Variants in ADAM32 observed in about 807,000 individuals in gnomAD.
ADAM32 encodes ADAM metallopeptidase domain 32, also known as disintegrin and metalloproteinase domain-containing protein 32.
A neutral mutation model predicts 114.9 loss-of-function variants in ADAM32; 89 were observed. The observed-to-expected ratio is 0.77, with a 90% CI of 0.65 to 0.92. ADAM32 has a LOEUF of 0.92. Ranked by LOEUF, ADAM32 falls within the 40% of genes least tolerant of loss-of-function variation. ADAM32 has a pLI of 0.00. For synonymous variants in ADAM32, 285 were observed against 307.5 expected (o/e 0.93, Z 0.77); for missense variants, 870 against 932.8 (o/e 0.93, Z 0.88).
At chr8:39,123,650 T>C (rs4733978) in intron 2 of ADAM32, among the ~76,000 whole-genome samples, 78,039 of 151,422 alleles carry the variant, frequency 0.52, 21,236 homozygotes, top group Non-Finnish European at 0.6. Flanking sequence ...TGTATGATAC[T>C]TTCATTTATT....
At chr8:39,254,090 G>A (rs868791770) in intron 17 of ADAM32, among the ~76,000 whole-genome samples, 20 of 151,606 alleles carry the variant, frequency 1.3e-4, no homozygotes, top group African/African-American at 4.6e-4. Flanking sequence ...GCTGGCTCCA[G>A]CATGTCACTG....
chr8:39,109,658 T>C (rs1840072192), intron 1 of ADAM32, among the ~76,000 whole-genome samples: 1 of 152,210 alleles, frequency 6.6e-6, no homozygotes, highest in Admixed American at 6.5e-5. Flanking sequence ...ATCCCAAATA[T>C]GAACAGCTTC....
At chr8:39,256,721 C>T (rs12114415) in intron 18 of ADAM32, among the ~76,000 whole-genome samples, 41 of 152,058 alleles carry the variant, frequency 2.7e-4, no homozygotes, top group African/African-American at 9.9e-4. Flanking sequence ...ATTTTTATGC[C>T]AGTGCCCTTT....
intron 11 of ADAM32, among the ~76,000 whole-genome samples, chr8:39,188,780 T>C (rs541442584): frequency 1.3e-5 from 2 of 152,292 alleles, no homozygotes; most frequent in East Asian, 1.9e-4. Context: ...ATATTTAAAA[T>C]GCTTTCATAT....
At chr8:39,158,494 C>T (rs1232732226) in intron 6 of ADAM32, 2 of 290,610 alleles carry the variant, frequency 6.9e-6, no homozygotes, top group Non-Finnish European at 1.3e-5. Flanking sequence ...CTACCCCTTC[C>T]TTCTTGTTCA....
At chr8:39,146,122 G>C (rs970793892) in intron 3 of ADAM32, among the ~76,000 whole-genome samples, 2 of 152,160 alleles carry the variant, frequency 1.3e-5, no homozygotes, top group African/African-American at 4.8e-5. Context: ...AGTTTGAGTG[G>C]AGGCTTTCCA....
Position 39,118,054 on chromosome 8 carries a change from T to C in ADAM32, c.59-32T>C, listed in dbSNP as rs1412860768. The C allele has an allele frequency of 2.3e-6, 3 of 1,303,536 alleles. No homozygotes were observed. The East Asian group carries it at 8.2e-5, about 36-fold the overall frequency. The allele number at this position is 1,303,536 out of a possible 1,614,324, so 80.7% of individuals were successfully genotyped here. ...GATATTTAATCAAATTAAGGCAAGGTTACTAACTTTTTTTTTTTTTTATCT... is the reference window on the plus strand; with the variant it reads ...GATATTTAATCAAATTAAGGCAAGGCTACTAACTTTTTTTTTTTTTTATCT... On this transcript the variant is annotated intron_variant, in intron 1 of 24. Transcript: ENST00000379907.
At chr8:39,236,407 ATAAT>A (rs1810149285) in intron 16 of ADAM32, among the ~76,000 whole-genome samples, 1 of 152,116 alleles carries the variant, frequency 6.6e-6, no homozygotes, top group South Asian at 2.1e-4. Flanking sequence ...TTCTTTGATA[ATAAT>A]TATTTATTTA....
chr8:39,178,562 G>A (rs534174053), intron 10 of ADAM32, among the ~76,000 whole-genome samples: 1 of 152,256 alleles, frequency 6.6e-6, no homozygotes, highest in Non-Finnish European at 1.5e-5. Context: ...CCCTTGCTGG[G>A]AGATATTGGG....
At chr8:39,214,739 G>T (rs4398876) in intron 12 of ADAM32, among the ~76,000 whole-genome samples, 146,521 of 152,264 alleles carry the variant, frequency 0.96, 70,776 homozygotes, top group East Asian at 1. Context: ...GTGCTTGTGG[G>T]GTATTACTCA....
chr8:39,141,443 A>G (rs1309175630), intron 3 of ADAM32, among the ~76,000 whole-genome samples: 4 of 152,154 alleles, frequency 2.6e-5, no homozygotes, highest in Admixed American at 1.3e-4. Flanking sequence ...TCATTTCATT[A>G]TGAACCCAGT....
chr8:39,277,310 G>A (rs1258300041), intron 22 of ADAM32, among the ~76,000 whole-genome samples: 4 of 152,300 alleles, frequency 2.6e-5, no homozygotes, highest in African/African-American at 4.8e-5. Flanking sequence ...CTGGCTTACC[G>A]TGCACCAGGG....
chr8:39,182,243 G>A (rs1196516577), intron 10 of ADAM32, among the ~76,000 whole-genome samples: 2 of 152,082 alleles, frequency 1.3e-5, no homozygotes, highest in East Asian at 3.8e-4. Flanking sequence ...ACTTTGACTT[G>A]ATGCTATTTG....
chr8:39,135,890 G>A (rs924343025), intron 2 of ADAM32, among the ~76,000 whole-genome samples: 11 of 152,054 alleles, frequency 7.2e-5, no homozygotes, highest in South Asian at 2.1e-4. Context: ...TAATGTTGAC[G>A]ATCTGGTTTC....
At chr8:39,142,492 G>A (rs538591465) in intron 3 of ADAM32, among the ~76,000 whole-genome samples, 8 of 152,110 alleles carry the variant, frequency 5.3e-5, no homozygotes, top group African/African-American at 1.7e-4. Flanking sequence ...GAGATTCTGG[G>A]TTGAAAATTC....
chr8:39,202,357 A>G (rs1392045581), intron 11 of ADAM32, among the ~76,000 whole-genome samples: 1 of 152,038 alleles, frequency 6.6e-6, no homozygotes, highest in South Asian at 2.1e-4. Flanking sequence ...TAGTCTTGGG[A>G]GGGTGTATGT....
intron 19 of ADAM32, 84 bp downstream of exon 19, chr8:39,257,427 A>G (rs1811724447): frequency 6.9e-7 from 1 of 1,454,016 alleles, no homozygotes. Flanking sequence ...AGCAGTAGCA[A>G]TACTTTACAT....
intron 2 of ADAM32, chr8:39,130,864 T>A (rs763915242): frequency 2.2e-5 from 10 of 457,148 alleles, no homozygotes; most frequent in South Asian, 1.6e-4. Flanking sequence ...CTGCAGTTGT[T>A]GGGTTAGTAG....
chr8:39,231,977 A>T (rs1490876992), intron 14 of ADAM32, 50 bp from the exon 15 acceptor site: 4 of 1,397,884 alleles, frequency 2.9e-6, no homozygotes, highest in African/African-American at 1.4e-5. Flanking sequence ...ATGGAGGAAG[A>T]TGAAAAACCA....
Sources: allele counts gnomAD v4.1 joint callset (sites outside exome capture counted in the v4.1 genomes callset), GRCh38; gene constraint gnomAD v4.1.1; transcripts MANE v1.5; gene names NCBI Gene and HGNC (gene_info 2026-07-23, HGNC 2026-07-21).